The following TTC28 variants were observed in gnomAD, a reference collection of about 807,000 sequenced individuals.
TTC28 encodes tetratricopeptide repeat protein 28.
Under a neutral mutation model 198.0 loss-of-function variants are expected in TTC28, and 61 were observed. The ratio of observed to expected loss-of-function variants is 0.31; its 90% CI spans 0.25 to 0.38. The LOEUF (loss-of-function observed/expected upper bound fraction) is 0.38. Ranked by LOEUF, TTC28 falls within the 10% of genes least tolerant of loss-of-function variation. The pLI, the probability that TTC28 is intolerant of heterozygous loss-of-function variation, is 1.00. For missense variants in TTC28, 2,678 were observed against 3,164.0 expected, an observed-to-expected ratio of 0.85 and a Z score of 3.69; for synonymous variants, 1,171 against 1,297.8, an observed-to-expected ratio of 0.90 and a Z score of 2.10.
At chr22:28,115,791 T>C (rs1284105638) in intron 6 of TTC28, among the ~76,000 whole-genome samples, 1 of 152,212 alleles carries the variant, frequency 6.6e-6, no homozygotes, top group African/African-American at 2.4e-5. Flanking sequence ...AACAGCAGTT[T>C]AGGATGTCTT....
intron 10 of TTC28, 49 bp downstream of exon 10, chr22:28,098,866 G>A (rs1363890843): frequency 2.6e-5 from 40 of 1,541,030 alleles, no homozygotes; most frequent in Middle Eastern, 1.8e-4. Context: ...ACGCGCACCC[G>A]TGCGCACTAG....
At chr22:28,575,338 T>C (rs2050128450) in intron 2 of TTC28, among the ~76,000 whole-genome samples, 1 of 152,214 alleles carries the variant, frequency 6.6e-6, no homozygotes. Context: ...ACTGCAGATG[T>C]ACGGATTTGT....
At chr22:28,439,024 T>G (rs1377224650) in intron 2 of TTC28, among the ~76,000 whole-genome samples, 2 of 152,208 alleles carry the variant, frequency 1.3e-5, no homozygotes, top group African/African-American at 4.8e-5. Flanking sequence ...CACTACAGTC[T>G]GCATCTATGA....
At chr22:27,984,032 AG>A (rs1469698064) in intron 22 of TTC28, among the ~76,000 whole-genome samples, 181 bp from the exon 23 acceptor site, 1 of 152,216 alleles carries the variant, frequency 6.6e-6, no homozygotes, top group Non-Finnish European at 1.5e-5. Flanking sequence ...AATCTAACAT[AG>A]GGACAAAATC....
chr22:28,173,352 A>G (rs1922863834), intron 5 of TTC28, among the ~76,000 whole-genome samples: 2 of 152,160 alleles, frequency 1.3e-5, no homozygotes, highest in Admixed American at 6.5e-5. Flanking sequence ...CAGATGCTGC[A>G]TTTGCCACTA....
intron 2 of TTC28, among the ~76,000 whole-genome samples, chr22:28,378,694 T>C (rs567485406): frequency 1.3e-5 from 2 of 151,612 alleles, no homozygotes; most frequent in South Asian, 2.1e-4. Context: ...ATAGGATTAA[T>C]AGCAAATTAG....
At position 28,301,371 on chromosome 22, in the gene TTC28, C is replaced by T. The variant is rs577666647; in HGVS notation, c.530-3519G>A. ...CATGAAATAGGCAATGTCAAACCAA[C>T]TCCATAAGAACATAAAGCCCTTTGC... On this transcript the variant is annotated intron_variant, in intron 3 of 22. Coordinates refer to ENST00000397906, the MANE Select transcript of TTC28 (RefSeq NM_001145418.2). Among the ~76,000 whole-genome samples, 8 of 152,326 alleles carry T rather than the reference C, an allele frequency of 5.3e-5. No individual in the cohort carries two copies. In the South Asian group the frequency reaches 1.7e-3, roughly 32 times the overall value.
chr22:28,351,248 A>G (rs1293161066), intron 2 of TTC28, among the ~76,000 whole-genome samples: 1 of 152,142 alleles, frequency 6.6e-6, no homozygotes, highest in African/African-American at 2.4e-5. Context: ...GCACATAGAG[A>G]GCATCTCCTG....
intron 2 of TTC28, among the ~76,000 whole-genome samples, chr22:28,493,906 G>C (rs2048414747): frequency 6.6e-6 from 1 of 152,184 alleles, no homozygotes; most frequent in Non-Finnish European, 1.5e-5. Flanking sequence ...CGAAGGGAAA[G>C]AGAGAAAGAT....
At chr22:28,390,615 T>C (rs963516243) in intron 2 of TTC28, among the ~76,000 whole-genome samples, 1 of 152,238 alleles carries the variant, frequency 6.6e-6, no homozygotes, top group Non-Finnish European at 1.5e-5. Flanking sequence ...CTTTGTCTCT[T>C]TTGATCTTTG....
intron 6 of TTC28, among the ~76,000 whole-genome samples, chr22:28,114,720 T>C (rs1410678197): frequency 9.9e-5 from 15 of 151,716 alleles, no homozygotes; most frequent in Admixed American, 9.9e-4. Context: ...GCTGGGACTA[T>C]AGCTGTGCAC....
At chr22:28,279,087 A>T (rs2044528721) in intron 5 of TTC28, among the ~76,000 whole-genome samples, 1 of 152,156 alleles carries the variant, frequency 6.6e-6, no homozygotes. Flanking sequence ...CTAAAATTTT[A>T]TTGTGAAAAT....
chr22:28,461,172 A>G (rs1273203769), intron 2 of TTC28, among the ~76,000 whole-genome samples: 1 of 152,154 alleles, frequency 6.6e-6, no homozygotes, highest in Non-Finnish European at 1.5e-5. Context: ...TATTTTTCTA[A>G]AACTTTGTTA....
At chr22:28,305,497 G>A (rs1158156630) in intron 3 of TTC28, among the ~76,000 whole-genome samples, 1 of 152,062 alleles carries the variant, frequency 6.6e-6, no homozygotes, top group African/African-American at 2.4e-5. Context: ...CACATACTTT[G>A]AGCCAAGTAT....
At chr22:28,012,323 A>T (rs1938194107) in intron 14 of TTC28, among the ~76,000 whole-genome samples, 1 of 152,194 alleles carries the variant, frequency 6.6e-6, no homozygotes, top group Admixed American at 6.5e-5. Context: ...GGGAAGGACA[A>T]CCGAGCACGT....
intron 12 of TTC28, among the ~76,000 whole-genome samples, chr22:28,061,528 G>A (rs1305261931): frequency 1.3e-5 from 2 of 152,100 alleles, no homozygotes; most frequent in African/African-American, 4.8e-5. Context: ...AGATGGTTGT[G>A]GATGTGTGGC....
chr22:28,535,691 C>T (rs1169906582), intron 2 of TTC28, among the ~76,000 whole-genome samples: 1 of 151,970 alleles, frequency 6.6e-6, no homozygotes, highest in Non-Finnish European at 1.5e-5. Flanking sequence ...GATGGACTTC[C>T]CCCTTGCCAA....
In TTC28 at chr22:28,512,249, A is replaced by AT. The variant is rs2048699451; in HGVS notation, c.381+117302dup. ...CAAATCAAAACCACAACGAGATATC[A>AT]TATCACACCAGTCAGAATGGCTATT... is the stretch of plus-strand genomic sequence containing the variant. On this transcript the variant is annotated intron_variant, in intron 2 of 22. Transcript: ENST00000397906. 2.0e-5 allele frequency among the ~76,000 whole-genome samples: 3 copies of AT among 152,228 alleles called. No homozygotes were observed. In the South Asian group the frequency reaches 6.2e-4, roughly 31 times the overall value.
At position 28,348,174 on chromosome 22, in the gene TTC28, C is replaced by T. The variant is rs552115706; in HGVS notation, c.382-41531G>A. Among the ~76,000 whole-genome samples the T allele has an allele frequency of 1.3e-4, 20 of 152,288 alleles. No homozygotes were observed. In the East Asian group the frequency reaches 1.7e-3, roughly 13 times the overall value. ...GTAGGGTAAAATTTGTAGAAGAAAACGGCCATTACTCTCTTAGACACTAGG... is the reference window on the plus strand; with the variant it reads ...GTAGGGTAAAATTTGTAGAAGAAAATGGCCATTACTCTCTTAGACACTAGG... On this transcript the variant is annotated intron_variant, in intron 2 of 22. Transcript: ENST00000397906.
Sources: allele counts gnomAD v4.1 joint callset (sites outside exome capture counted in the v4.1 genomes callset), GRCh38; gene constraint gnomAD v4.1.1; transcripts MANE v1.5; gene names NCBI Gene and HGNC (gene_info 2026-07-23, HGNC 2026-07-21).